SLC7A7: variants seen among roughly 807,000 people sequenced by gnomAD.
The protein encoded by SLC7A7 is solute carrier family 7 member 7.
SLC7A7 carries 39 observed loss-of-function variants against 47.9 expected under a neutral mutation model. The ratio of observed to expected loss-of-function variants is 0.81; its 90% CI spans 0.63 to 1.06. SLC7A7 has a LOEUF of 1.06. SLC7A7 is among the 50% of genes least tolerant of loss of function. The pLI is 0.00. For missense variants in SLC7A7, 588 were observed against 632.0 expected (o/e 0.93, Z 0.75); for synonymous variants, 234 against 242.8 (o/e 0.96, Z 0.34).
At chr14:22,811,675 C>A (rs926521826) in intron 2 of SLC7A7, among the ~76,000 whole-genome samples, 32 of 152,042 alleles carry the variant, frequency 2.1e-4, no homozygotes, top group Non-Finnish European at 8.8e-5. Context: ...CACAGTGAAA[C>A]CCCGTCTCCA....
At chr14:22,806,860 C>T (rs1328625682) in intron 2 of SLC7A7, among the ~76,000 whole-genome samples, 4 of 151,586 alleles carry the variant, frequency 2.6e-5, no homozygotes, top group African/African-American at 9.7e-5. Flanking sequence ...AGCTCCCCGA[C>T]CCCCGGCAAA....
In SLC7A7 at chr14:22,812,888, AG is replaced by A; in HGVS notation, c.499+11del. The stretch of plus-strand genomic sequence containing the variant: ...CCCTCCACCCACCACCTCCTACCCC[AG>A]CCCCACTTACAAATGCAGGCAGCAG... On this transcript the variant is annotated intron_variant, in intron 2 of 9. Coordinates refer to ENST00000674313, the MANE Select transcript of SLC7A7 (RefSeq NM_003982.4). 2 of 1,611,812 alleles carry A rather than the reference AG, an allele frequency of 1.2e-6. No homozygotes were observed. The highest frequency in any genetic ancestry group is 3.3e-4 in the Middle Eastern group (2 of 5,980).
Position 22,774,476 on chromosome 14 carries a change from C to T in SLC7A7, c.1123G>A (p.Val375Met), listed in dbSNP as rs769093980. 35 of 1,614,124 alleles carry T rather than the reference C, an allele frequency of 2.2e-5. No homozygotes were observed. The East Asian group carries it at 4.9e-4, about 23-fold the overall frequency. ...TTAATGAGCTGGAAGATGTCTTCCA[C>T]GCACAAGTAGATCAATGCCATGATA... is the stretch of plus-strand genomic sequence containing the variant. ...NGIMALIYLC[V>M]EDIFQLINYY... The change falls in exon 8 of 10, where the codon GTG becomes ATG. Residue 375 changes from valine to methionine, a missense_variant. Val to Met is a conservative substitution (Grantham distance 21). Transcript: ENST00000674313.
rs572723142 is a variant in SLC7A7 at position 22,777,174 on chromosome 14, G to C, written c.771-856C>G. 5.1e-4 allele frequency among the ~76,000 whole-genome samples: 77 copies of C among 151,010 alleles called. 1 individual carries two copies. Among genetic ancestry groups the C allele is most frequent in the Non-Finnish European group, 3.7e-4 (25 of 67,726 alleles). ...AAAAAAAAAAAAAAAAAAGCAGGGC[G>C]GGGGGGATTAACAAAGACTGTCCCC... On this transcript the variant is annotated intron_variant, in intron 4 of 9. Transcript: ENST00000674313.
At chr14:22,787,792 G>C (rs192847087) in intron 2 of SLC7A7, among the ~76,000 whole-genome samples, 90 of 150,052 alleles carry the variant, frequency 6.0e-4, no homozygotes, top group African/African-American at 2.2e-3. Flanking sequence ...TAAAATGTTA[G>C]GCCGGGCACG....
chr14:22,775,973 TA>T, intron 5 of SLC7A7, 37 bp from the exon 6 acceptor site: 1 of 1,550,818 alleles, frequency 6.4e-7, no homozygotes, highest in Non-Finnish European at 8.9e-7. Context: ...TAGCAGGATC[TA>T]AAAGGGATGA....
chr14:22,805,939 G>C (rs938659426), intron 2 of SLC7A7, among the ~76,000 whole-genome samples: 2 of 151,474 alleles, frequency 1.3e-5, no homozygotes, highest in Non-Finnish European at 2.9e-5. Context: ...TCAGGAGATT[G>C]AGACCATCCT....
intron 2 of SLC7A7, 144 bp from the exon 3 acceptor site, chr14:22,780,195 C>G: frequency 9.2e-7 from 1 of 1,091,888 alleles, no homozygotes; most frequent in Non-Finnish European, 1.3e-6. Flanking sequence ...TGCACTGGAA[C>G]CCTCGGGGCC....
chr14:22,812,124 A>G (rs900511310), intron 2 of SLC7A7, among the ~76,000 whole-genome samples: 1 of 152,126 alleles, frequency 6.6e-6, no homozygotes, highest in Non-Finnish European at 1.5e-5. Flanking sequence ...GTAGACTAGT[A>G]TGACCTCATT....
rs58930730 is a variant in SLC7A7 at position 22,812,773 on chromosome 14, C to CTA, written c.499+125_499+126dup. 129,241 of 426,984 alleles carry CTA rather than the reference C, an allele frequency of 0.3. 12,663 individuals carry two copies. Among genetic ancestry groups the CTA allele is most frequent in the Non-Finnish European group, 0.32 (89,038 of 276,834 alleles). 26.4% of individuals were successfully genotyped at this position (426,984 alleles called of 1,614,324 possible). ...AATTTTCACACAAAGCATACTTTAA[C>CTA]TATATATATATATATATATGTTGTC... is the stretch of plus-strand genomic sequence containing the variant. On this transcript the variant is annotated intron_variant, in intron 2 of 9. Coordinates refer to ENST00000674313, the MANE Select transcript of SLC7A7 (RefSeq NM_003982.4).
rs145897110 is a variant in SLC7A7, at chr14:22,775,750, G to T, written c.998+83C>A. The stretch of plus-strand genomic sequence containing the variant: ...TTGTGGTATCGGTTGGAGAACACAA[G>T]TAATCAAAGGCTGGGTCCTGTAAGT... On this transcript the variant is annotated intron_variant, in intron 6 of 9. Coordinates refer to ENST00000674313, the MANE Select transcript of SLC7A7 (RefSeq NM_003982.4). 392 of 1,065,668 alleles carry T rather than the reference G, an allele frequency of 3.7e-4. 1 individual carries two copies. The African/African-American group carries it at 5.3e-3, about 14-fold the overall frequency. The allele number at this position is 1,065,668 out of a possible 1,614,324, so 66.0% of individuals were successfully genotyped here.
chr14:22,786,326 A>AAACT (rs2038817222), intron 2 of SLC7A7, among the ~76,000 whole-genome samples: 1 of 151,878 alleles, frequency 6.6e-6, no homozygotes, highest in African/African-American at 2.4e-5. Context: ...AAAAACAAAC[A>AAACT]AAAAGGATGA....
At position 22,813,144 on chromosome 14, in the gene SLC7A7, A is replaced by G. The variant is rs967380531; in HGVS notation, c.255T>C (p.Phe85=). 2 of 1,614,064 alleles carry G rather than the reference A, an allele frequency of 1.2e-6. No homozygotes were observed. Among genetic ancestry groups the G allele is most frequent in the Non-Finnish European group, 1.7e-6 (2 of 1,180,038 alleles). Residue 85 remains phenylalanine (F), a synonymous_variant, in exon 2 of 10, where the codon TTT becomes TTC. Transcript: ENST00000674313. ...CCAGTTCCGCATAACAAAGGGCCCC[A>G]AAGACGGAGAAGAGGCCCCCGACAG... ...IWAVGGLFSV[F]GALCYAELGT...
upstream of SLC7A7, among the ~76,000 whole-genome samples, chr14:22,818,583 G>GTTTTTT (rs565680138): frequency 2.3e-5 from 3 of 129,524 alleles, 1 homozygote; most frequent in Non-Finnish European, 4.9e-5. Context: ...CAGGTTTTTG[G>GTTTTTT]TTTTTTTTTT....
chr14:22,774,203 C>T, intron 8 of SLC7A7, 87 bp from the exon 9 acceptor site: 1 of 1,587,914 alleles, frequency 6.3e-7, no homozygotes, highest in Non-Finnish European at 8.6e-7. Flanking sequence ...GATTAGCGCA[C>T]TGAGCCTTCT....
upstream of SLC7A7, chr14:22,816,430 C>G (rs560660859): frequency 2.6e-5 from 4 of 151,834 alleles, no homozygotes; most frequent in South Asian, 2.1e-4. Context: ...TGGCATGAAC[C>G]CGGGAGGCGG....
intron 4 of SLC7A7, among the ~76,000 whole-genome samples, chr14:22,778,029 C>T (rs12882521): frequency 6.6e-6 from 1 of 151,950 alleles, no homozygotes; most frequent in Non-Finnish European, 1.5e-5. Context: ...GAGCCAAGAT[C>T]ACGCCATTGC....
At chr14:22,779,008 GGACT>G in intron 3 of SLC7A7, 71 bp from the exon 4 acceptor site, 1 of 1,589,098 alleles carries the variant, frequency 6.3e-7, no homozygotes, top group Non-Finnish European at 8.6e-7. Context: ...GTCAAGTAAA[GGACT>G]GACAGAATAT....
rs567322702 is a variant in SLC7A7, at chr14:22,813,475, G to C, written c.-42-35C>G. The C allele has an allele frequency of 1.4e-3, 2,145 of 1,581,058 alleles. 5 individuals are homozygous for C. Among genetic ancestry groups the C allele is most frequent in the South Asian group, 2.3e-3 (205 of 89,978 alleles). On this transcript the variant is annotated intron_variant, in intron 1 of 9. Coordinates refer to ENST00000674313, the MANE Select transcript of SLC7A7 (RefSeq NM_003982.4). ...AGAAAGATGATGCTATAGATTAGGT[G>C]GTTGGCAATTACATAGAACCTCTAC... is the stretch of plus-strand genomic sequence containing the variant.
Sources: gnomAD v4.1 joint callset for allele counts (sites outside exome capture counted in the v4.1 genomes callset) on GRCh38, gnomAD v4.1.1 for gene constraint, MANE v1.5 for transcripts, NCBI Gene and HGNC (gene_info 2026-07-23, HGNC 2026-07-21) for gene names.